Variants in KIF26A observed in about 807,000 individuals in gnomAD.
The protein encoded by KIF26A is kinesin family member 26A.
KIF26A carries 74 observed loss-of-function variants against 126.0 expected under a neutral mutation model. The ratio of observed to expected loss-of-function variants is 0.59; its 90% CI spans 0.49 to 0.71. KIF26A has a LOEUF of 0.71. Ranked by LOEUF, KIF26A falls within the 30% of genes least tolerant of loss-of-function variation. The pLI, the probability that KIF26A is intolerant of heterozygous loss-of-function variation, is 0.00. For missense variants in KIF26A, 2,984 were observed against 2,763.3 expected (o/e 1.08, Z -1.79); for synonymous variants, 1,445 against 1,232.7 (o/e 1.17, Z -3.61).
At chr14:104,139,388 G>C in intron 2 of KIF26A, 100 bp downstream of exon 2, 1 of 1,296,634 alleles carries the variant, frequency 7.7e-7, no homozygotes, top group Non-Finnish European at 1.0e-6. Flanking sequence ...CTCCTTCCCT[G>C]CTGCTGTTTC....
intron 4 of KIF26A, among the ~76,000 whole-genome samples, chr14:104,159,074 G>A (rs953266131): frequency 3.3e-5 from 5 of 152,192 alleles, no homozygotes; most frequent in Admixed American, 2.6e-4. Flanking sequence ...ATTGTCGCAC[G>A]CCGTGTGCCG....
chr14:104,139,582 G>A (rs565222260), intron 2 of KIF26A, among the ~76,000 whole-genome samples: 40 of 152,340 alleles, frequency 2.6e-4, no homozygotes, highest in Non-Finnish European at 5.0e-4. Context: ...TGTGGGAGGA[G>A]GAGGGGAGAG....
At chr14:104,155,940 C>T (rs1273147171) in intron 3 of KIF26A, among the ~76,000 whole-genome samples, 1 of 152,228 alleles carries the variant, frequency 6.6e-6, no homozygotes, top group Non-Finnish European at 1.5e-5. Context: ...GTGCCCCTGT[C>T]CAGTGGGGGA....
intron 4 of KIF26A, among the ~76,000 whole-genome samples, chr14:104,166,183 G>A (rs7148361): frequency 0.23 from 33,120 of 146,008 alleles, 3,703 homozygotes; most frequent in Middle Eastern, 0.3. Context: ...GGGTGGCAGG[G>A]GCCCAGGAGC....
chr14:104,160,363 G>C (rs550979418), intron 4 of KIF26A, among the ~76,000 whole-genome samples: 2 of 152,306 alleles, frequency 1.3e-5, no homozygotes, highest in South Asian at 2.1e-4. Context: ...GCTGCCCCCT[G>C]ATCCTTTCAG....
At chr14:104,174,070 C>G in intron 10 of KIF26A, 78 bp from the exon 11 acceptor site, 1 of 1,446,762 alleles carries the variant, frequency 6.9e-7, no homozygotes, top group Non-Finnish European at 9.2e-7. Flanking sequence ...CCAGACTGAT[C>G]CCAGGGCTGC....
chr14:104,166,654 CTGGGGCAGGGACG>C (rs1472924464), intron 4 of KIF26A, among the ~76,000 whole-genome samples, 192 bp from the exon 5 acceptor site: 2 of 151,088 alleles, frequency 1.3e-5, no homozygotes, highest in East Asian at 3.9e-4. Context: ...GGCAGAGTCC[CTGGGGCAGGGACG>C]CCATGGAGGC....
intron 3 of KIF26A, among the ~76,000 whole-genome samples, chr14:104,156,644 C>G (rs1450456718): frequency 6.6e-6 from 1 of 151,788 alleles, no homozygotes; most frequent in Non-Finnish European, 1.5e-5. Flanking sequence ...AGGGTGAGCC[C>G]TCCATGGTGG....
At chr14:104,172,892 C>T (rs769063224) in intron 7 of KIF26A, 85 bp from the exon 8 acceptor site, 16 of 1,444,886 alleles carry the variant, frequency 1.1e-5, no homozygotes, top group South Asian at 1.4e-5. Context: ...ATCTCGGTGC[C>T]CCTGGTTGGC....
chr14:104,143,655 G>T (rs1171711575), intron 2 of KIF26A, among the ~76,000 whole-genome samples: 1 of 152,230 alleles, frequency 6.6e-6, no homozygotes, highest in Non-Finnish European at 1.5e-5. Context: ...GCGCCCGAGT[G>T]GTCCCATGAC....
chr14:104,175,143 G>A lies in KIF26A; in HGVS notation c.2355G>A (p.Gln785=). 6.2e-7 allele frequency: 1 copy of A among 1,607,808 alleles called. No individual in the cohort carries two copies. The highest frequency in any genetic ancestry group is 8.5e-7 in the Non-Finnish European group (1 of 1,178,064). Residue 785 remains glutamine (Q), a synonymous_variant, in exon 12 of 15, where the codon CAG becomes CAA. Coordinates refer to ENST00000423312, the MANE Select transcript of KIF26A (RefSeq NM_015656.2). Reference sequence around the variant, plus strand: ...CCGATTACTCCTCCAGCAGCGAGCAGTCCTGTGACACGGTCATCTACGTGG... The same window carrying A: ...CCGATTACTCCTCCAGCAGCGAGCAATCCTGTGACACGGTCATCTACGTGG... ...GDPDYSSSSE[Q]SCDTVIYVGP...
chr14:104,138,942 C>T (rs985713099), intron 1 of KIF26A, 101 bp from the exon 2 acceptor site: 1 of 1,298,740 alleles, frequency 7.7e-7, no homozygotes, highest in Non-Finnish European at 9.7e-7. Context: ...CCCAGGGCTC[C>T]TAACTTTGGC....
rs1231741048 is a variant in KIF26A at position 104,176,866 on chromosome 14, G to A, written c.4078G>A (p.Ala1360Thr). The A allele has an allele frequency of 1.9e-6, 3 of 1,540,162 alleles. No individual in the cohort carries two copies. The South Asian group carries it at 3.6e-5, about 18-fold the overall frequency. The part of the protein sequence containing the change: ...AGFLPRPSGA[A>T]PPAPPTRKSS... ...CTTCCTCCCGAGGCCCAGTGGGGCG[G>A]CCCCCCCGGCCCCACCCACGCGGAA... Residue 1360 changes from alanine (A) to threonine (T), a missense_variant, in exon 12 of 15, where the codon GCC becomes ACC. Ala to Thr is a moderately conservative substitution (Grantham distance 58, BLOSUM62 0). Coordinates refer to ENST00000423312, the MANE Select transcript of KIF26A (RefSeq NM_015656.2).
intron 2 of KIF26A, among the ~76,000 whole-genome samples, chr14:104,141,657 G>A (rs866024637): frequency 1.4e-5 from 2 of 145,910 alleles, no homozygotes; most frequent in African/African-American, 5.6e-5. Flanking sequence ...TAGAGGGTCG[G>A]GGCCCAGCCT....
At chr14:104,159,077 G>A (rs1018774220) in intron 4 of KIF26A, among the ~76,000 whole-genome samples, 5 of 152,190 alleles carry the variant, frequency 3.3e-5, no homozygotes, top group South Asian at 4.1e-4. Context: ...GTCGCACGCC[G>A]TGTGCCGGGC....
chr14:104,151,307 C>T lies in KIF26A; in HGVS notation c.289-708C>T, dbSNP rs1008692934. ...GGGTTCTAGAGAAACCTGTGTGTCC[C>T]CCCAGTTCAGGGAAGGGGGCAGTCA... On this transcript the variant is annotated intron_variant, in intron 2 of 14. Coordinates refer to ENST00000423312, the MANE Select transcript of KIF26A (RefSeq NM_015656.2). The surrounding 1 kb of genome is among the most constrained non-coding windows in gnomAD (Gnocchi z 4.9). 2.6e-5 allele frequency among the ~76,000 whole-genome samples: 4 copies of T among 152,064 alleles called. No individual in the cohort carries two copies. Among genetic ancestry groups the T allele is most frequent in the African/African-American group, 9.7e-5 (4 of 41,394 alleles).
At chr14:104,141,401 C>T (rs983040422) in intron 2 of KIF26A, among the ~76,000 whole-genome samples, 1 of 152,252 alleles carries the variant, frequency 6.6e-6, no homozygotes, top group Non-Finnish European at 1.5e-5. Context: ...TCACAATCAT[C>T]CATCTGTCTC....
rs201312831 is a variant in KIF26A, at chr14:104,179,270, C to T, written c.5351C>T (p.Ala1784Val). The change falls in exon 14 of 15, where the codon GCG becomes GTG. Residue 1784 changes from alanine to valine, a missense_variant. Transcript: ENST00000423312. The part of the protein sequence containing the change: ...LACVSTRLRL[A>V]ERRQQRLREV... ...TGCGTCAGTACAAGGCTGCGGCTGG[C>T]GGAGCGCAGGCAGCAGCGGCTGCGG... 4.6e-5 allele frequency: 70 copies of T among 1,523,684 alleles called. No homozygotes were observed. The East Asian group carries it at 4.7e-4, about 10-fold the overall frequency. The allele number at this position is 1,523,684 out of a possible 1,614,324, so 94.4% of individuals were successfully genotyped here. A position where few individuals can be genotyped will look rare whatever the true frequency, so the allele number is the denominator to read the frequency against.
intron 4 of KIF26A, among the ~76,000 whole-genome samples, chr14:104,165,003 A>C (rs913961989): frequency 6.9e-6 from 1 of 144,242 alleles, no homozygotes; most frequent in Non-Finnish European, 1.5e-5. Flanking sequence ...GTATGCGTGC[A>C]CGTGTCTCTG....
Sources: allele counts gnomAD v4.1 joint callset (sites outside exome capture counted in the v4.1 genomes callset), GRCh38; gene constraint gnomAD v4.1.1; non-coding constraint Gnocchi (gnomAD v3.1); transcripts MANE v1.5; gene names NCBI Gene and HGNC (gene_info 2026-07-23, HGNC 2026-07-21).